The following ASNS variants were observed in gnomAD, a reference collection of about 807,000 sequenced individuals.
ASNS encodes asparagine synthetase [glutamine-hydrolyzing].
ASNS carries 37 observed loss-of-function variants against 62.6 expected under a neutral mutation model. That is an observed-to-expected ratio of 0.59 (90% CI 0.45 to 0.78). The LOEUF is 0.78. Among genes scored for constraint, ASNS ranks in the 30% least tolerant of loss-of-function variants. ASNS has a pLI of 0.00. For synonymous variants in ASNS, 207 were observed against 237.9 expected, an observed-to-expected ratio of 0.87 and a Z score of 1.19; for missense variants, 520 against 682.4, an observed-to-expected ratio of 0.76 and a Z score of 2.65.
At chr7:97,857,369 C>A (rs1252491193) in intron 7 of ASNS, among the ~76,000 whole-genome samples, 9 of 152,104 alleles carry the variant, frequency 5.9e-5, no homozygotes, top group Non-Finnish European at 1.3e-4. Context: ...AGACAAGCTG[C>A]CCTCTGCCCA....
chr7:97,893,312 G>A, the ASNS span, among the ~76,000 whole-genome samples: 1 of 152,244 alleles, frequency 6.6e-6, no homozygotes. Flanking sequence ...TGGGGACACA[G>A]CCAAACCATA....
At chr7:97,927,968 G>T in the ASNS span, 60 of 649,714 alleles carry the variant, frequency 9.2e-5, no homozygotes, top group Admixed American at 1.2e-3. Context: ...AATGAAGGCC[G>T]CCCTCCCAGC....
the ASNS span, among the ~76,000 whole-genome samples, chr7:97,927,262 C>A: frequency 6.6e-6 from 1 of 152,118 alleles, no homozygotes; most frequent in African/African-American, 2.4e-5. Flanking sequence ...CAAAACATCA[C>A]TGCAAAAACA....
the ASNS span, among the ~76,000 whole-genome samples, chr7:97,887,701 G>C: frequency 6.6e-6 from 1 of 152,206 alleles, no homozygotes; most frequent in Non-Finnish European, 1.5e-5. Context: ...ATCCTCAGCT[G>C]ACCCATAGAT....
chr7:97,896,741 CATATATATATATAT>C, the ASNS span, among the ~76,000 whole-genome samples: 21 of 19,782 alleles, frequency 1.1e-3, 1 homozygote, highest in Admixed American at 5.8e-3. Flanking sequence ...CACACACACA[CATATATATATATAT>C]ATATATATAT....
chr7:97,886,173 C>T, the ASNS span: 2 of 286,016 alleles, frequency 7.0e-6, no homozygotes, highest in South Asian at 5.0e-5. Context: ...TTTGAGACAG[C>T]GTCTTCCTCT....
the ASNS span, among the ~76,000 whole-genome samples, chr7:97,878,665 C>T: frequency 6.6e-6 from 1 of 152,164 alleles, no homozygotes; most frequent in Non-Finnish European, 1.5e-5. Flanking sequence ...AATGGAAGAA[C>T]ATTCCATGCT....
the ASNS span, among the ~76,000 whole-genome samples, chr7:97,885,124 A>G: frequency 2.6e-5 from 4 of 152,260 alleles, no homozygotes; most frequent in African/African-American, 7.2e-5. Flanking sequence ...GACATTTCAT[A>G]TAAATGACAT....
At chr7:97,927,555 C>A in the ASNS span, among the ~76,000 whole-genome samples, 6,175 of 152,264 alleles carry the variant, frequency 0.041, 140 homozygotes, top group African/African-American at 0.11. Flanking sequence ...TACGTTTGGT[C>A]ACTGCAGTGC....
chr7:97,860,118 A>G (rs1017070), intron 4 of ASNS, among the ~76,000 whole-genome samples: 22,544 of 152,178 alleles, frequency 0.15, 2,046 homozygotes, highest in Admixed American at 0.28. Flanking sequence ...CCTGTGTAGC[A>G]CTGAATTCAA....
chr7:97,922,881 TC>T, the ASNS span, among the ~76,000 whole-genome samples: 1 of 151,494 alleles, frequency 6.6e-6, no homozygotes, highest in East Asian at 1.9e-4. Context: ...AACCTCTGTC[TC>T]CCAGGTTCAA....
chr7:97,913,930 A>G, the ASNS span, among the ~76,000 whole-genome samples: 128,351 of 150,376 alleles, frequency 0.85, 54,836 homozygotes, highest in East Asian at 0.91. Flanking sequence ...AGAAATGGAT[A>G]AGTGGGTGAG....
chr7:97,858,485 A>T (rs1203797475), intron 6 of ASNS, 80 bp from the exon 7 acceptor site: 22 of 1,524,448 alleles, frequency 1.4e-5, no homozygotes, highest in Non-Finnish European at 1.9e-5. Flanking sequence ...TATTCCTGAT[A>T]AACACCAAGA....
the ASNS span, among the ~76,000 whole-genome samples, chr7:97,894,749 A>G: frequency 6.6e-6 from 1 of 152,136 alleles, no homozygotes; most frequent in African/African-American, 2.4e-5. Flanking sequence ...CCCAAAAGAG[A>G]AAAGCCCTAG....
chr7:97,870,472 T>C (rs1792200986), intron 1 of ASNS, among the ~76,000 whole-genome samples: 1 of 152,224 alleles, frequency 6.6e-6, no homozygotes, highest in Non-Finnish European at 1.5e-5. Flanking sequence ...ATTTCATTTA[T>C]ATCTAAAAGA....
upstream of ASNS, among the ~76,000 whole-genome samples, chr7:97,873,106 C>T (rs1357435413): frequency 1.3e-5 from 2 of 152,194 alleles, no homozygotes; most frequent in African/African-American, 4.8e-5. Flanking sequence ...ATACATGAAG[C>T]CAAAATACAT....
chr7:97,896,739 C>CATAT, the ASNS span, among the ~76,000 whole-genome samples: 84 of 31,968 alleles, frequency 2.6e-3, no homozygotes, highest in South Asian at 4.8e-3. Flanking sequence ...CACACACACA[C>CATAT]ACATATATAT....
rs896304129 is a variant in ASNS, at chr7:97,852,239, C to T, written c.*20G>A. 8.7e-6 allele frequency: 14 copies of T among 1,613,028 alleles called. No homozygotes were observed. Among genetic ancestry groups the T allele is most frequent in the African/African-American group, 2.7e-5 (2 of 74,910 alleles). On this transcript the variant is annotated 3_prime_UTR_variant, in exon 13 of 13. Coordinates refer to ENST00000394308, the MANE Select transcript of ASNS (RefSeq NM_001673.5). ...CAACACGAAGAAATATTTGCTTTCA[C>T]ATTACAGCATAAAGACCACCTAAGC...
At chr7:97,868,778 A>C in intron 3 of ASNS, 130 bp downstream of exon 3, 1 of 1,329,468 alleles carries the variant, frequency 7.5e-7, no homozygotes, top group South Asian at 1.4e-5. Flanking sequence ...TTACATACTT[A>C]GAGCAAATGA....
Sources: gnomAD v4.1 joint callset for allele counts (sites outside exome capture counted in the v4.1 genomes callset) on GRCh38, gnomAD v4.1.1 for gene constraint, MANE v1.5 for transcripts, NCBI Gene and HGNC (gene_info 2026-07-23, HGNC 2026-07-21) for gene names.